The following GTPBP3 variants were observed in gnomAD, a reference collection of about 807,000 sequenced individuals.
GTPBP3 encodes 5-taurinomethyluridine-[tRNA] synthase subunit GTPB3, mitochondrial.
Under a neutral mutation model 42.0 loss-of-function variants are expected in GTPBP3, and 35 were observed. The observed-to-expected ratio is 0.83, with a 90% CI of 0.64 to 1.10. GTPBP3 has a LOEUF of 1.10. Ranked by LOEUF, GTPBP3 falls within the 50% of genes least tolerant of loss-of-function variation. The probability of loss-of-function intolerance (pLI) is 0.00; values close to 1 mark genes in which losing one functional copy is unlikely to be tolerated. For missense variants in GTPBP3, 691 were observed against 685.2 expected (o/e 1.01, Z -0.09); for synonymous variants, 332 against 314.9 (o/e 1.05, Z -0.58).
At position 17,339,025 on chromosome 19, in the gene GTPBP3, AGGTGGGTCTACCT is replaced by A; in HGVS notation, c.664+5_664+17del. The A allele has an allele frequency of 6.2e-7, 1 of 1,614,088 alleles. No individual in the cohort carries two copies. The highest frequency in any genetic ancestry group is 8.5e-7 in the Non-Finnish European group (1 of 1,179,936). On this transcript the variant is annotated splice_donor_variant and splice_donor_5th_base_variant and coding_sequence_variant and intron_variant, in exon 5 of 9. Coordinates refer to ENST00000324894, the MANE Select transcript of GTPBP3 (RefSeq NM_032620.4). LOFTEE classifies it high-confidence loss of function. ...ACCTGGAGGAGGGGGTCCTGGAGCA[AGGTGGGTCTACCT>A]GGTGGTGGGGGAGGAAGACACCTCA...
chr19:17,338,110 GACCAGCGGCCCC>G lies in GTPBP3; in HGVS notation c.157_168del (p.Thr53_Pro56del). On this transcript the variant is annotated inframe_deletion, in exon 2 of 9. Transcript: ENST00000324894. ...GCCGCTGCGGCATCGCAGTGATCCG[GACCAGCGGCCCC>G]GCCAGCGGCCACGCCCTCCGAATTC... 2 of 1,592,048 alleles carry G rather than the reference GACCAGCGGCCCC, an allele frequency of 1.3e-6. No individual in the cohort carries two copies. The highest frequency in any genetic ancestry group is 1.7e-6 in the Non-Finnish European group (2 of 1,176,872).
At chr19:17,340,973 A>G in intron 7 of GTPBP3, 71 bp from the exon 8 acceptor site, 1 of 1,541,254 alleles carries the variant, frequency 6.5e-7, no homozygotes, top group Non-Finnish European at 8.8e-7. Flanking sequence ...TGGCCCCTCT[A>G]ACTGTCCCTC....
At chr19:17,338,328 G>C (rs1025379183) in intron 2 of GTPBP3, 37 bp from the exon 3 acceptor site, 1 of 1,612,076 alleles carries the variant, frequency 6.2e-7, no homozygotes, top group Non-Finnish European at 8.5e-7. Flanking sequence ...GTTTGCACTG[G>C]CTGTGCTGTC....
chr19:17,339,182 C>T lies in GTPBP3; in HGVS notation c.724C>T (p.Arg242Cys), dbSNP rs754248289. 5.6e-6 allele frequency: 9 copies of T among 1,613,654 alleles called. No individual in the cohort carries two copies. Among genetic ancestry groups the T allele is most frequent in the East Asian group, 2.2e-5 (1 of 44,892 alleles). The change falls in exon 6 of 9, where the codon CGC (arginine) becomes TGC (cysteine). Residue 242 changes from arginine to cysteine, a missense_variant. Arg to Cys is a radical substitution (Grantham distance 180, BLOSUM62 -3). Transcript: ENST00000324894. ...ALGAHLRDAR[R>C]GQRLRSGVHV... ...GGGTGCACATCTACGAGATGCCAGG[C>T]GCGGGCAGAGGCTCCGCTCAGGGGT... is the stretch of plus-strand genomic sequence containing the variant.
chr19:17,338,123 G>C lies in GTPBP3; in HGVS notation c.169G>C (p.Ala57Pro), dbSNP rs762821280. The change falls in exon 2 of 9, where the codon GCC becomes CCC. Residue 57 changes from alanine (A) to proline (P), a missense_variant. Physicochemically the swap from Ala to Pro is conservative, Grantham distance 27 (BLOSUM62 -1). Coordinates refer to ENST00000324894, the MANE Select transcript of GTPBP3 (RefSeq NM_032620.4). ...GIAVIRTSGP[A>P]SGHALRILTA... ...CGCAGTGATCCGGACCAGCGGCCCC[G>C]CCAGCGGCCACGCCCTCCGAATTCT... 175 of 1,596,284 alleles carry C rather than the reference G, an allele frequency of 1.1e-4. No individual in the cohort carries two copies. Among genetic ancestry groups the C allele is most frequent in the Non-Finnish European group, 1.5e-4 (172 of 1,178,522 alleles).
Position 17,341,164 on chromosome 19 carries a change from C to T in GTPBP3, c.1095C>T (p.Ser365=). The T allele has an allele frequency of 6.2e-7, 1 of 1,613,118 alleles. No individual in the cohort carries two copies. Among genetic ancestry groups the T allele is most frequent in the East Asian group, 2.2e-5 (1 of 44,868 alleles). The change falls in exon 8 of 9, where the codon AGC becomes AGT. Residue 365 remains serine, a synonymous_variant. Coordinates refer to ENST00000324894, the MANE Select transcript of GTPBP3 (RefSeq NM_032620.4). Reference sequence around the variant, plus strand: ...TGGGAGCCCAGAGCCCCAGTGACAGCAGCCAGCGCCTCCTCCTGGTGCTGA... The same window carrying T: ...TGGGAGCCCAGAGCCCCAGTGACAGTAGCCAGCGCCTCCTCCTGGTGCTGA... ...ASVGAQSPSD[S]SQRLLLVLNK... is the part of the protein sequence containing the mutation.
Position 17,339,408 on chromosome 19 carries a change from C to T in GTPBP3, c.809-26C>T, listed in dbSNP as rs775839799. 14 of 1,611,200 alleles carry T rather than the reference C, an allele frequency of 8.7e-6. No individual in the cohort carries two copies. In the South Asian group the frequency reaches 1.3e-4, roughly 15 times the overall value. On this transcript the variant is annotated intron_variant, in intron 6 of 8. Transcript: ENST00000324894. ...GGAGGAGCTCCCTTGTCTCCACCCT[C>T]TCCTCTTCTTCTGACCCTCCCCCAG...
intron 4 of GTPBP3, 105 bp from the exon 5 acceptor site, chr19:17,338,849 C>A: frequency 6.5e-7 from 1 of 1,533,446 alleles, no homozygotes; most frequent in Admixed American, 2.0e-5. Context: ...AAGCTTCCGG[C>A]CTATGAGCCG....
In GTPBP3 at chr19:17,341,778, A is replaced by C. The variant is rs2074435754; in HGVS notation, c.*75A>C. 1 of 1,280,426 alleles carries C rather than the reference A, an allele frequency of 7.8e-7. No individual in the cohort carries two copies. The highest frequency in any genetic ancestry group is 1.1e-6 in the Non-Finnish European group (1 of 926,210). 79.3% of individuals were successfully genotyped at this position (1,280,426 alleles called of 1,614,324 possible). A position where few individuals can be genotyped will look rare whatever the true frequency, so the allele number is the denominator to read the frequency against. ...GGGGGATCTGGAAACAGTTTAGGCC[A>C]ATTGGGATTCTCATTCGCCTGGGAA... On this transcript the variant is annotated 3_prime_UTR_variant, in exon 9 of 9. Coordinates refer to ENST00000324894, the MANE Select transcript of GTPBP3 (RefSeq NM_032620.4).
upstream of GTPBP3, chr19:17,336,815 TGCAG>T: frequency 6.6e-6 from 1 of 152,356 alleles, no homozygotes; most frequent in Non-Finnish European, 1.5e-5. Context: ...CACTTGGCTC[TGCAG>T]GTGCAGACCT....
At position 17,339,007 on chromosome 19, in the gene GTPBP3, G is replaced by A. The variant is rs1747615072; in HGVS notation, c.645G>A (p.Glu215=). ...ATTTCGGCGAGGATGACAACCTGGA[G>A]GAGGGGGTCCTGGAGCAAGGTGGGT... ...YIDFGEDDNL[E]EGVLEQADIE... Residue 215 remains glutamate, a synonymous_variant, in exon 5 of 9, where the codon GAG becomes GAA. Coordinates refer to ENST00000324894, the MANE Select transcript of GTPBP3 (RefSeq NM_032620.4). 1.2e-6 allele frequency: 2 copies of A among 1,613,954 alleles called. No individual in the cohort carries two copies. The highest frequency in any genetic ancestry group is 1.3e-5 in the African/African-American group (1 of 75,068).
At position 17,339,484 on chromosome 19, in the gene GTPBP3, G is replaced by T. The variant is rs760973573; in HGVS notation, c.859G>T (p.Val287Leu). ...CCCGGAGCCAGGGACCACCCGTGAC[G>T]TGCTGGAGACCCCAGTCGACCTGGC... is the stretch of plus-strand genomic sequence containing the variant. ...VSPEPGTTRDVLETPVDLAGF... is the reference protein window; with the variant it reads ...VSPEPGTTRDLLETPVDLAGF... The change falls in exon 7 of 9, where the codon GTG (valine) becomes TTG (leucine). Residue 287 changes from valine to leucine, a missense_variant. Physicochemically the swap from Val to Leu is conservative, Grantham distance 32. Transcript: ENST00000324894. The T allele has an allele frequency of 3.1e-6, 5 of 1,614,004 alleles. No individual in the cohort carries two copies. In the South Asian group the frequency reaches 5.5e-5, roughly 18 times the overall value.
chr19:17,338,268 A>T lies in GTPBP3; in HGVS notation c.301+13A>T. 1 of 1,596,764 alleles carries T rather than the reference A, an allele frequency of 6.3e-7. No individual in the cohort carries two copies. Among genetic ancestry groups the T allele is most frequent in the South Asian group, 1.1e-5 (1 of 90,026 alleles). The stretch of plus-strand genomic sequence containing the variant: ...CTCTGGTTCCCAGGTGAGGGTCCCC[A>T]GGTTCCGAGCCTCCTGTAGGTCCCA... On this transcript the variant is annotated intron_variant, in intron 2 of 8. Coordinates refer to ENST00000324894, the MANE Select transcript of GTPBP3 (RefSeq NM_032620.4).
chr19:17,339,114 C>T lies in GTPBP3; in HGVS notation c.665-9C>T, dbSNP rs963101147. On this transcript the variant is annotated splice_polypyrimidine_tract_variant and intron_variant, in intron 5 of 8. Coordinates refer to ENST00000324894, the MANE Select transcript of GTPBP3 (RefSeq NM_032620.4). Reference sequence around the variant, plus strand: ...CTGTCTCTCTCTGCCTGCCTTCTCTCACCCACAGCCGACATCGAAGTACGG... The same window carrying T: ...CTGTCTCTCTCTGCCTGCCTTCTCTTACCCACAGCCGACATCGAAGTACGG... 1 of 1,614,086 alleles carries T rather than the reference C, an allele frequency of 6.2e-7. No homozygotes were observed. Among genetic ancestry groups the T allele is most frequent in the South Asian group, 1.1e-5 (1 of 91,082 alleles).
chr19:17,340,641 T>A (rs1293694304), intron 7 of GTPBP3, among the ~76,000 whole-genome samples: 1 of 148,600 alleles, frequency 6.7e-6, no homozygotes, highest in Non-Finnish European at 1.5e-5. Context: ...TCCCAGCCCC[T>A]GTGCTGTGCC....
intron 2 of GTPBP3, 32 bp downstream of exon 2, chr19:17,338,287 G>A (rs761869403): frequency 6.2e-7 from 1 of 1,603,722 alleles, no homozygotes; most frequent in Middle Eastern, 1.7e-4. Context: ...GCCTCCTGTA[G>A]GTCCCATGAC....
chr19:17,335,037 T>C (rs1286026845), upstream of GTPBP3: 2 of 1,535,860 alleles, frequency 1.3e-6, no homozygotes, highest in Non-Finnish European at 1.7e-6. Flanking sequence ...CCACCCATGC[T>C]TTCTTCTGGT....
At chr19:17,337,459 T>A, upstream of GTPBP3, 1 of 1,243,396 alleles carries the variant, frequency 8.0e-7, no homozygotes, top group Non-Finnish European at 1.0e-6. Context: ...GCGAGTATCT[T>A]CAGACGGTGG....
upstream of GTPBP3, chr19:17,335,143 C>A (rs753959061): frequency 4.4e-5 from 68 of 1,534,154 alleles, no homozygotes; most frequent in Non-Finnish European, 5.8e-5. Flanking sequence ...TAAGGGAGGA[C>A]GTGGGAGGGG....
Sources: gnomAD v4.1 joint callset for allele counts (sites outside exome capture counted in the v4.1 genomes callset) on GRCh38, gnomAD v4.1.1 for gene constraint, MANE v1.5 for transcripts, NCBI Gene and HGNC (gene_info 2026-07-23, HGNC 2026-07-21) for gene names.